GRHL1: variants seen among roughly 807,000 people sequenced by gnomAD.
The protein encoded by GRHL1 is grainyhead-like protein 1 homolog.
In GRHL1, 38 loss-of-function variants were observed where a neutral mutation model predicts 75.7. The observed-to-expected ratio is 0.50, with a 90% CI of 0.39 to 0.66. The LOEUF (loss-of-function observed/expected upper bound fraction) is 0.66, where lower values mean the gene tolerates loss of function less well. Ranked by LOEUF, GRHL1 falls within the 30% of genes least tolerant of loss-of-function variation. The pLI is 0.00. For missense variants in GRHL1, 589 were observed against 767.5 expected (o/e 0.77, Z 2.75); for synonymous variants, 266 against 279.4 (o/e 0.95, Z 0.48).
At position 9,987,338 on chromosome 2, in the gene GRHL1, C is replaced by T. The variant is rs977449606; in HGVS notation, c.1269+1056C>T. On this transcript the variant is annotated intron_variant, in intron 9 of 15. Transcript: ENST00000324907. The surrounding 1 kb of genome is among the most constrained non-coding windows in gnomAD (Gnocchi z 4.2). ...CATTATGTAGAGATTTTTGAAATTA[C>T]GTTTTAACTGATAGATTAGAAGGGT... is the stretch of plus-strand genomic sequence containing the variant. 6.6e-6 allele frequency among the ~76,000 whole-genome samples: 1 copy of T among 152,160 alleles called. No homozygotes were observed. Among genetic ancestry groups the T allele is most frequent in the Non-Finnish European group, 1.5e-5 (1 of 68,040 alleles).
chr2:9,977,716 G>A (rs756909113), intron 8 of GRHL1, among the ~76,000 whole-genome samples: 2 of 152,202 alleles, frequency 1.3e-5, no homozygotes, highest in African/African-American at 2.4e-5. Flanking sequence ...TTAAACAGAG[G>A]TGAATGTTAA....
chr2:9,976,960 T>C (rs1487958177), intron 8 of GRHL1, among the ~76,000 whole-genome samples: 2 of 152,218 alleles, frequency 1.3e-5, no homozygotes, highest in African/African-American at 4.8e-5. Context: ...CTACTGCAAA[T>C]GTTTAGGAAT....
At chr2:9,989,485 C>T (rs1668553725) in intron 9 of GRHL1, among the ~76,000 whole-genome samples, 1 of 152,186 alleles carries the variant, frequency 6.6e-6, no homozygotes, top group South Asian at 2.1e-4. Context: ...CTGCATGGTA[C>T]TATCGGTCTT....
intron 8 of GRHL1, among the ~76,000 whole-genome samples, chr2:9,979,151 CAAAA>C (rs1227015836): frequency 1.7e-5 from 1 of 60,372 alleles, no homozygotes. Context: ...GACTCTCTCT[CAAAA>C]AAAAAAAAAA....
Position 9,987,402 on chromosome 2 carries a change from G to A in GRHL1, c.1269+1120G>A, listed in dbSNP as rs1367383. 0.24 allele frequency among the ~76,000 whole-genome samples: 36,107 copies of A among 152,134 alleles called. 4,525 individuals are homozygous for A. The highest frequency in any genetic ancestry group is 0.34 in the Admixed American group (5,130 of 15,288). ...TTGTTGGGCATGTCTGATAAGTAAAGGAGGTGCACACAGGACCCTCTGAGC... is the reference window on the plus strand; with the variant it reads ...TTGTTGGGCATGTCTGATAAGTAAAAGAGGTGCACACAGGACCCTCTGAGC... On this transcript the variant is annotated intron_variant, in intron 9 of 15. Coordinates refer to ENST00000324907, the MANE Select transcript of GRHL1 (RefSeq NM_198182.3). The surrounding 1 kb of genome is among the most constrained non-coding windows in gnomAD (Gnocchi z 4.2).
rs1435545650 is a variant in GRHL1 at position 10,002,259 on chromosome 2, TTA to T, written c.*1556_*1557del. Reference sequence around the variant, plus strand: ...TATTTTAAACCAAAGGAATTAAATTTTATATGTCTATTTCGTAATATGTCATT... The same window carrying T: ...TATTTTAAACCAAAGGAATTAAATTTTATGTCTATTTCGTAATATGTCATT... On this transcript the variant is annotated 3_prime_UTR_variant, in exon 16 of 16. Transcript: ENST00000324907. 1 of 152,662 alleles carries T rather than the reference TTA, an allele frequency of 6.6e-6. No individual in the cohort carries two copies. 9.5% of individuals were successfully genotyped at this position (152,662 alleles called of 1,614,324 possible).
intron 14 of GRHL1, among the ~76,000 whole-genome samples, chr2:9,998,428 G>A (rs1668974854): frequency 1.1e-5 from 1 of 87,970 alleles, no homozygotes; most frequent in Non-Finnish European, 2.2e-5. Flanking sequence ...CTATGCATGT[G>A]TGTGTGTGTG....
At position 9,964,258 on chromosome 2, in the gene GRHL1, T is replaced by G. The variant is rs758770528; in HGVS notation, c.927T>G (p.Ala309=). 7 of 1,609,644 alleles carry G rather than the reference T, an allele frequency of 4.3e-6. No homozygotes were observed. Among genetic ancestry groups the G allele is most frequent in the Non-Finnish European group, 6.0e-6 (7 of 1,176,440 alleles). Residue 309 remains alanine (A), a synonymous_variant, in exon 7 of 16, where the codon GCT becomes GCG. Coordinates refer to ENST00000324907, the MANE Select transcript of GRHL1 (RefSeq NM_198182.3). The part of the protein sequence containing the change: ...KVRSVIMVVF[A]EDKSREDQLR... ...AGAGTGTGATCATGGTGGTTTTTGC[T>G]GAAGACAAAAGCAGAGAAGATCAGT...
At chr2:9,961,494 C>A in intron 4 of GRHL1, 58 bp downstream of exon 4, 1 of 1,448,208 alleles carries the variant, frequency 6.9e-7, no homozygotes, top group Non-Finnish European at 9.3e-7. Context: ...GTATTGGGTT[C>A]CACCTTTTCC....
chr2:9,989,122 A>G (rs1668539004), intron 9 of GRHL1, among the ~76,000 whole-genome samples: 1 of 152,156 alleles, frequency 6.6e-6, no homozygotes, highest in Admixed American at 6.5e-5. Context: ...CAATTTTTAT[A>G]AGCAGGTTGT....
rs533861492 is a variant in GRHL1 at position 10,001,297 on chromosome 2, CCTTTCTCAT to C, written c.*591_*599del. 1 of 152,588 alleles carries C rather than the reference CCTTTCTCAT, an allele frequency of 6.6e-6. No homozygotes were observed. Among genetic ancestry groups the C allele is most frequent in the Non-Finnish European group, 1.5e-5 (1 of 68,038 alleles). The allele number at this position is 152,588 out of a possible 1,614,324, so 9.5% of individuals were successfully genotyped here. On this transcript the variant is annotated 3_prime_UTR_variant, in exon 16 of 16. Transcript: ENST00000324907. The stretch of plus-strand genomic sequence containing the variant: ...GCGACTTTCTCGGACATATCAACTG[CCTTTCTCAT>C]GAAGAATTTTAATGGGTTACAGTAT...
intron 7 of GRHL1, 47 bp from the exon 8 acceptor site, chr2:9,965,240 A>G (rs1667440270): frequency 1.0e-6 from 1 of 962,040 alleles, no homozygotes; most frequent in South Asian, 1.3e-5. Flanking sequence ...CCCATGTTGA[A>G]ACTAAGACTC....
chr2:9,965,426 A>T, intron 8 of GRHL1, 45 bp downstream of exon 8: 1 of 982,850 alleles, frequency 1.0e-6, no homozygotes, highest in Non-Finnish European at 1.6e-6. Flanking sequence ...CATTTGAGAA[A>T]TGGGAGGAGT....
chr2:9,967,584 C>T (rs896963123), intron 8 of GRHL1, among the ~76,000 whole-genome samples: 3 of 151,844 alleles, frequency 2.0e-5, no homozygotes, highest in African/African-American at 7.3e-5. Context: ...CTTTGCCTGC[C>T]GCCAGAAGGG....
At chr2:9,991,692 T>C (rs1177812325) in intron 10 of GRHL1, among the ~76,000 whole-genome samples, 2 of 152,238 alleles carry the variant, frequency 1.3e-5, no homozygotes, top group Non-Finnish European at 2.9e-5. Flanking sequence ...CAATTATACA[T>C]TTTAGCCTTT....
intron 15 of GRHL1, among the ~76,000 whole-genome samples, chr2:10,000,292 A>G (rs1669212633): frequency 6.6e-6 from 1 of 152,196 alleles, no homozygotes; most frequent in South Asian, 2.1e-4. Context: ...TTACCAAGTG[A>G]CAACTATGAA....
chr2:9,965,517 C>T (rs1667457430), intron 8 of GRHL1, 136 bp downstream of exon 8: 2 of 597,952 alleles, frequency 3.3e-6, no homozygotes, highest in Non-Finnish European at 6.0e-6. Context: ...TATCCTCTTC[C>T]CTTTTTATTC....
intron 15 of GRHL1, 38 bp from the exon 16 acceptor site, chr2:10,000,555 G>A (rs1429831781): frequency 8.6e-7 from 1 of 1,160,432 alleles, no homozygotes; most frequent in Admixed American, 1.7e-5. Flanking sequence ...AGGACCAAGT[G>A]GCAGTGAAGT....
At chr2:9,974,280 G>A (rs573310897) in intron 8 of GRHL1, among the ~76,000 whole-genome samples, 2 of 152,324 alleles carry the variant, frequency 1.3e-5, no homozygotes, top group East Asian at 1.9e-4. Flanking sequence ...CAGAGACTAC[G>A]TGCTTTGTGA....
Sources: allele counts gnomAD v4.1 joint callset (sites outside exome capture counted in the v4.1 genomes callset), GRCh38; gene constraint gnomAD v4.1.1; non-coding constraint Gnocchi (gnomAD v3.1); transcripts MANE v1.5; gene names NCBI Gene and HGNC (gene_info 2026-07-23, HGNC 2026-07-21).